The following DYM variants were observed in gnomAD, a reference collection of about 807,000 sequenced individuals.
DYM encodes dyggve-Melchior-Clausen syndrome protein.
DYM carries 78 observed loss-of-function variants against 93.1 expected under a neutral mutation model. The ratio of observed to expected loss-of-function variants is 0.84; its 90% CI spans 0.70 to 1.01. The LOEUF (loss-of-function observed/expected upper bound fraction) is 1.01, where lower values mean the gene tolerates loss of function less well. Among genes scored for constraint, DYM ranks in the 50% least tolerant of loss-of-function variants. The probability of loss-of-function intolerance (pLI) is 0.00; values close to 1 mark genes in which losing one functional copy is unlikely to be tolerated. For synonymous variants in DYM, 321 were observed against 319.7 expected, an observed-to-expected ratio of 1.00 and a Z score of -0.04; for missense variants, 789 against 845.0, an observed-to-expected ratio of 0.93 and a Z score of 0.82.
chr18:49,105,889 T>C (rs1335975380), intron 16 of DYM, among the ~76,000 whole-genome samples: 1 of 152,206 alleles, frequency 6.6e-6, no homozygotes, highest in Non-Finnish European at 1.5e-5. Flanking sequence ...ATTCTGCTGA[T>C]TTGGGGTGGA....
chr18:49,205,481 T>C (rs2092426321), intron 14 of DYM, among the ~76,000 whole-genome samples: 1 of 152,020 alleles, frequency 6.6e-6, no homozygotes, highest in African/African-American at 2.4e-5. Flanking sequence ...AAAATACATA[T>C]AACATAACTA....
intron 8 of DYM, among the ~76,000 whole-genome samples, chr18:49,292,592 G>GAAAAAAAAAAAAAAA (rs72415237): frequency 3.8e-5 from 3 of 78,788 alleles, no homozygotes; most frequent in Non-Finnish European, 5.2e-5. Context: ...TTTCCTGTTG[G>GAAAAAAAAAAAAAAA]AAAAAAAAAA....
In DYM at chr18:49,317,852, A is replaced by T. The variant is rs115119841; in HGVS notation, c.763+14012T>A. Among the ~76,000 whole-genome samples, 673 of 151,872 alleles carry T rather than the reference A, an allele frequency of 4.4e-3. 1 individual carries two copies. Among genetic ancestry groups the T allele is most frequent in the African/African-American group, 0.013 (552 of 41,370 alleles). ...TTCATCCTTTTAACAAATATTTAGT[A>T]TCTTCCATAACCCAGGCTCTCTGCT... On this transcript the variant is annotated intron_variant, in intron 8 of 17. Coordinates refer to ENST00000675505, the MANE Select transcript of DYM (RefSeq NM_001353214.3).
chr18:49,289,825 TTA>T (rs2059995395), intron 8 of DYM, among the ~76,000 whole-genome samples: 1 of 131,186 alleles, frequency 7.6e-6, no homozygotes, highest in Non-Finnish European at 1.6e-5. Flanking sequence ...ATATATTTAT[TTA>T]TATATTTTAA....
At chr18:49,062,053 A>C (rs1197311151) in intron 17 of DYM, among the ~76,000 whole-genome samples, 14 of 152,156 alleles carry the variant, frequency 9.2e-5, no homozygotes, top group Admixed American at 9.2e-4. Flanking sequence ...TCAGTTTAGC[A>C]GTAGCTGCAG....
rs1277623200 is a variant in DYM at position 49,363,253 on chromosome 18, G to T, written c.422-20C>A. 3.8e-6 allele frequency: 6 copies of T among 1,590,482 alleles called. No homozygotes were observed. Among genetic ancestry groups the T allele is most frequent in the Non-Finnish European group, 5.2e-6 (6 of 1,163,310 alleles). ...CAGAACCTGGTAAGACACATAAAAA[G>T]ATTTTTTTTTAACAAAGTACACAGT... On this transcript the variant is annotated intron_variant, in intron 5 of 17. Transcript: ENST00000675505.
intron 17 of DYM, among the ~76,000 whole-genome samples, chr18:49,073,866 C>T (rs1182813569): frequency 6.6e-6 from 1 of 152,126 alleles, no homozygotes; most frequent in African/African-American, 2.4e-5. Flanking sequence ...CTTGGTGACA[C>T]TGAGTTGGGT....
chr18:49,387,300 G>A (rs918431066), intron 3 of DYM, among the ~76,000 whole-genome samples: 5 of 151,188 alleles, frequency 3.3e-5, no homozygotes, highest in South Asian at 2.1e-4. Context: ...TTTTTGTGAC[G>A]GAGTCTCACT....
chr18:49,286,309 T>C (rs2059659044), intron 9 of DYM, 125 bp downstream of exon 9: 2 of 1,123,804 alleles, frequency 1.8e-6, no homozygotes, highest in Admixed American at 3.6e-5. Flanking sequence ...AAAGTTTTTC[T>C]CATGTTTGAC....
chr18:49,201,397 C>T (rs886424001), intron 14 of DYM, among the ~76,000 whole-genome samples: 1 of 151,902 alleles, frequency 6.6e-6, no homozygotes, highest in Non-Finnish European at 1.5e-5. Context: ...ATGTGTTGGT[C>T]TATTACCTAA....
chr18:49,325,806 C>T (rs981573690), intron 8 of DYM, among the ~76,000 whole-genome samples: 1 of 152,126 alleles, frequency 6.6e-6, no homozygotes, highest in Non-Finnish European at 1.5e-5. Flanking sequence ...GAGTACTGCA[C>T]TCATTGTCAG....
chr18:49,305,877 C>T (rs921490956), intron 8 of DYM, among the ~76,000 whole-genome samples: 1 of 152,170 alleles, frequency 6.6e-6, no homozygotes, highest in Non-Finnish European at 1.5e-5. Context: ...GACAAAGTAA[C>T]CACCAAGCTC....
chr18:49,098,768 T>C (rs1459708308), intron 16 of DYM, among the ~76,000 whole-genome samples: 2 of 152,234 alleles, frequency 1.3e-5, no homozygotes, highest in Non-Finnish European at 2.9e-5. Flanking sequence ...GGGATTAATA[T>C]TTTGTTCACA....
intron 13 of DYM, among the ~76,000 whole-genome samples, chr18:49,249,067 C>G (rs2094230267): frequency 6.6e-6 from 1 of 152,154 alleles, no homozygotes; most frequent in African/African-American, 2.4e-5. Context: ...AGATCAATCC[C>G]AGGAGTTTGG....
chr18:49,326,955 G>A (rs898008552), intron 8 of DYM, among the ~76,000 whole-genome samples: 3 of 145,594 alleles, frequency 2.1e-5, no homozygotes, highest in South Asian at 2.2e-4. Context: ...GGGATATTAC[G>A]ATGCATGTAA....
chr18:49,416,521 T>A lies in DYM; in HGVS notation c.140+13734A>T, dbSNP rs528903193. Among the ~76,000 whole-genome samples, 71 of 152,328 alleles carry A rather than the reference T, an allele frequency of 4.7e-4. No homozygotes were observed. In the Middle Eastern group the frequency reaches 0.024, roughly 51 times the overall value. On this transcript the variant is annotated intron_variant, in intron 2 of 17. Transcript: ENST00000675505. ...AATCTGGAACTCTAAGCTCATTAAGTATTAACACTCAAATCAGGTGTTAAT... is the reference window on the plus strand; with the variant it reads ...AATCTGGAACTCTAAGCTCATTAAGAATTAACACTCAAATCAGGTGTTAAT...
intron 6 of DYM, among the ~76,000 whole-genome samples, chr18:49,348,907 CAAA>C (rs11398177): frequency 1.6e-5 from 2 of 123,242 alleles, no homozygotes. Context: ...GACTCCTCAC[CAAA>C]AAAAAAAAAA....
chr18:49,165,136 C>A (rs548943227), intron 14 of DYM, among the ~76,000 whole-genome samples: 3 of 151,904 alleles, frequency 2.0e-5, no homozygotes, highest in South Asian at 4.2e-4. Flanking sequence ...TGTTAATTTC[C>A]GACAAAGTAG....
At chr18:49,235,283 G>A (rs1347321955) in intron 13 of DYM, among the ~76,000 whole-genome samples, 1 of 152,210 alleles carries the variant, frequency 6.6e-6, no homozygotes, top group African/African-American at 2.4e-5. Flanking sequence ...TTTACCTGGA[G>A]ATAGAGGAAA....
Sources: allele counts gnomAD v4.1 joint callset (sites outside exome capture counted in the v4.1 genomes callset), GRCh38; gene constraint gnomAD v4.1.1; transcripts MANE v1.5; gene names NCBI Gene and HGNC (gene_info 2026-07-23, HGNC 2026-07-21).